Variants in LARGE1 observed in about 807,000 individuals in gnomAD.
LARGE1 encodes the protein xylosyl- and glucuronyltransferase LARGE1.
In LARGE1, 43 loss-of-function variants were observed where a neutral mutation model predicts 87.6. That is an observed-to-expected ratio of 0.49 (90% confidence interval 0.38 to 0.63). The LOEUF (loss-of-function observed/expected upper bound fraction) is 0.63, where lower values mean the gene tolerates loss of function less well. Among genes scored for constraint, LARGE1 ranks in the 30% least tolerant of loss-of-function variants. The pLI, the probability that LARGE1 is intolerant of heterozygous loss-of-function variation, is 0.00. For synonymous variants in LARGE1, 434 were observed against 394.6 expected (o/e 1.10, Z -1.18); for missense variants, 802 against 1,000.2 (o/e 0.80, Z 2.67).
In LARGE1 at chr22:33,524,023, T is replaced by C. The variant is rs1445150029; in HGVS notation, c.787+40825A>G. On this transcript the variant is annotated intron_variant, in intron 6 of 14. Coordinates refer to ENST00000397394, the MANE Select transcript of LARGE1 (RefSeq NM_133642.5). Reference sequence around the variant, plus strand: ...AAAAATCAAGCCCAGCCGGGTGTGGTGGTTCACGACTGTAATCCCAGCACT... The same window carrying C: ...AAAAATCAAGCCCAGCCGGGTGTGGCGGTTCACGACTGTAATCCCAGCACT... 1.3e-5 allele frequency among the ~76,000 whole-genome samples: 2 copies of C among 152,090 alleles called. 1 individual carries two copies. The highest frequency in any genetic ancestry group is 3.9e-4 in the East Asian group (2 of 5,184).
chr22:33,226,879 G>A (rs1925765576), intron 11 of LARGE1, among the ~76,000 whole-genome samples: 1 of 152,042 alleles, frequency 6.6e-6, no homozygotes, highest in Non-Finnish European at 1.5e-5. Context: ...ACAGGCGCCT[G>A]CCGCCGCGCC....
intron 6 of LARGE1, among the ~76,000 whole-genome samples, chr22:33,501,668 G>C (rs764169392): frequency 3.3e-5 from 5 of 152,152 alleles, no homozygotes; most frequent in Non-Finnish European, 7.4e-5. Context: ...TGAATTGAAC[G>C]CCAGGCCTGG....
At chr22:33,346,859 G>A (rs1213792271) in intron 9 of LARGE1, among the ~76,000 whole-genome samples, 3 of 152,110 alleles carry the variant, frequency 2.0e-5, no homozygotes, top group Non-Finnish European at 4.4e-5. Context: ...TGCAGCCAGG[G>A]GTGGCCACGT....
chr22:33,921,376 G>A (rs2065947237), upstream of LARGE1, among the ~76,000 whole-genome samples: 1 of 152,248 alleles, frequency 6.6e-6, no homozygotes, highest in African/African-American at 2.4e-5. This position sits in a 1 kb window ranked among gnomAD's most constrained non-coding sequence, Gnocchi z 4.1. Context: ...CGGAAAAAGG[G>A]GGAAGGGAAG....
intron 7 of LARGE1, among the ~76,000 whole-genome samples, chr22:33,394,996 G>A (rs1347827818): frequency 2.0e-5 from 3 of 152,022 alleles, no homozygotes; most frequent in Non-Finnish European, 4.4e-5. Flanking sequence ...GGAGGCCAAG[G>A]CTGGCAGATC....
intron 9 of LARGE1, among the ~76,000 whole-genome samples, chr22:33,358,280 T>C (rs778190758): frequency 7.8e-6 from 1 of 128,720 alleles, no homozygotes; most frequent in Non-Finnish European, 1.6e-5. Flanking sequence ...AGATTTTAGA[T>C]CTTCTCCCCC....
the LARGE1 span, among the ~76,000 whole-genome samples, chr22:33,080,234 T>C: frequency 6.6e-6 from 1 of 152,204 alleles, no homozygotes; most frequent in African/African-American, 2.4e-5. Flanking sequence ...TGAATCATGT[T>C]ACTTGCATCA....
At chr22:33,189,320 C>T (rs1249112819) in intron 11 of LARGE1, among the ~76,000 whole-genome samples, 1 of 152,156 alleles carries the variant, frequency 6.6e-6, no homozygotes, top group East Asian at 1.9e-4. Context: ...TTGGCCAGTA[C>T]ACAGTGACTT....
chr22:33,803,872 T>C (rs1325199559), intron 1 of LARGE1, among the ~76,000 whole-genome samples: 1 of 152,212 alleles, frequency 6.6e-6, no homozygotes, highest in Non-Finnish European at 1.5e-5. Context: ...TAAACTATAT[T>C]GTTTGCATCA....
chr22:33,642,454 A>G (rs2149143103), intron 3 of LARGE1, among the ~76,000 whole-genome samples: 1 of 152,260 alleles, frequency 6.6e-6, no homozygotes, highest in African/African-American at 2.4e-5. Context: ...AAGATCAATG[A>G]CATTATGAAG....
At chr22:33,266,315 C>G (rs767192120) in intron 11 of LARGE1, among the ~76,000 whole-genome samples, 1 of 149,076 alleles carries the variant, frequency 6.7e-6, no homozygotes, top group Admixed American at 6.7e-5. Context: ...TCCACCTCCT[C>G]GGTTCAAGCG....
At chr22:33,696,321 G>T (rs1202483518) in intron 2 of LARGE1, among the ~76,000 whole-genome samples, 27 of 146,540 alleles carry the variant, frequency 1.8e-4, no homozygotes, top group Admixed American at 1.4e-4. Context: ...GGAGTGCAGT[G>T]GCGCAATCTC....
chr22:33,626,356 T>C (rs1454826670), intron 3 of LARGE1, 30 bp from the exon 4 acceptor site: 1 of 1,589,666 alleles, frequency 6.3e-7, no homozygotes, highest in African/African-American at 1.3e-5. Flanking sequence ...GGGTGAGCAG[T>C]CAGACAGACG....
At chr22:33,209,218 A>C (rs1352483576) in intron 11 of LARGE1, among the ~76,000 whole-genome samples, 1 of 152,224 alleles carries the variant, frequency 6.6e-6, no homozygotes, top group Non-Finnish European at 1.5e-5. Flanking sequence ...TTTAACAACT[A>C]TGTATTAAGC....
chr22:33,653,508 T>G (rs554557330), intron 2 of LARGE1, among the ~76,000 whole-genome samples: 1 of 152,172 alleles, frequency 6.6e-6, no homozygotes, highest in South Asian at 2.1e-4. Flanking sequence ...AATTAACAAA[T>G]GGGACCTGTG....
chr22:33,532,950 A>C (rs1233170986), intron 6 of LARGE1, among the ~76,000 whole-genome samples: 2 of 152,246 alleles, frequency 1.3e-5, no homozygotes, highest in East Asian at 3.8e-4. Context: ...GGTAGGTTAC[A>C]GCTCAAAGTG....
intron 6 of LARGE1, among the ~76,000 whole-genome samples, chr22:33,509,413 T>C (rs1285704806): frequency 6.6e-6 from 1 of 152,108 alleles, no homozygotes. Flanking sequence ...AAGGATGAAA[T>C]GGTGTCATGT....
At chr22:33,303,460 C>A (rs991239978) in intron 12 of LARGE1, among the ~76,000 whole-genome samples, 1 of 152,196 alleles carries the variant, frequency 6.6e-6, no homozygotes, top group Non-Finnish European at 1.5e-5. Flanking sequence ...GATCCTACCT[C>A]TCAAGCACTC....
intron 11 of LARGE1, among the ~76,000 whole-genome samples, chr22:33,205,904 G>A (rs1371927147): frequency 2.7e-5 from 4 of 149,136 alleles, no homozygotes; most frequent in Admixed American, 1.3e-4. Context: ...TCAGCCTCCT[G>A]AGCAGCTGGG....
Sources: allele counts gnomAD v4.1 joint callset (sites outside exome capture counted in the v4.1 genomes callset), GRCh38; gene constraint gnomAD v4.1.1; non-coding constraint Gnocchi (gnomAD v3.1); transcripts MANE v1.5; gene names NCBI Gene and HGNC (gene_info 2026-07-23, HGNC 2026-07-21).